Variants in PLA2G4A observed in about 807,000 individuals in gnomAD.
The protein encoded by PLA2G4A is cytosolic phospholipase A2.
In PLA2G4A, 40 loss-of-function variants were observed where a neutral mutation model predicts 81.9. That is an observed-to-expected ratio of 0.49 (90% CI 0.38 to 0.64). The LOEUF is 0.64. Among genes scored for constraint, PLA2G4A ranks in the 30% least tolerant of loss-of-function variants. The probability of loss-of-function intolerance (pLI) is 0.00; values close to 1 mark genes in which losing one functional copy is unlikely to be tolerated. For synonymous variants in PLA2G4A, 302 were observed against 296.9 expected, an observed-to-expected ratio of 1.02 and a Z score of -0.18; for missense variants, 715 against 905.1, an observed-to-expected ratio of 0.79 and a Z score of 2.69.
At chr1:186,966,915 T>C (rs1258574017) in intron 15 of PLA2G4A, among the ~76,000 whole-genome samples, 2 of 152,228 alleles carry the variant, frequency 1.3e-5, no homozygotes, top group African/African-American at 4.8e-5. Context: ...GTTTTAATCA[T>C]TTGGTCCTAA....
chr1:186,914,086 TG>T (rs1271264646), intron 7 of PLA2G4A, among the ~76,000 whole-genome samples: 11 of 99,908 alleles, frequency 1.1e-4, no homozygotes, highest in South Asian at 7.2e-4. Flanking sequence ...TGTTTTGTTT[TG>T]TTTTTTTGTG....
chr1:186,916,577 G>A (rs1402002434), intron 7 of PLA2G4A, among the ~76,000 whole-genome samples: 2 of 152,020 alleles, frequency 1.3e-5, no homozygotes, highest in Non-Finnish European at 2.9e-5. Context: ...TTCTGTTCTG[G>A]CTAATACTTT....
chr1:186,948,658 T>C (rs1338017145), intron 12 of PLA2G4A, among the ~76,000 whole-genome samples: 2 of 152,088 alleles, frequency 1.3e-5, no homozygotes, highest in Non-Finnish European at 2.9e-5. Context: ...AAATAACAGA[T>C]CTGAATGTGG....
chr1:186,857,246 G>A (rs1163937313), intron 2 of PLA2G4A, among the ~76,000 whole-genome samples: 6 of 75,522 alleles, frequency 7.9e-5, no homozygotes, highest in South Asian at 4.1e-4. Context: ...ACACATGTGG[G>A]GGCTGCATGG....
chr1:186,868,524 G>A (rs1227561937), intron 2 of PLA2G4A, among the ~76,000 whole-genome samples: 1 of 152,076 alleles, frequency 6.6e-6, no homozygotes, highest in Non-Finnish European at 1.5e-5. Flanking sequence ...GGGTAATGGT[G>A]GCCTCCAAGA....
intron 8 of PLA2G4A, among the ~76,000 whole-genome samples, chr1:186,938,122 A>G (rs1369024505): frequency 6.6e-6 from 1 of 152,100 alleles, no homozygotes; most frequent in Non-Finnish European, 1.5e-5. Context: ...TGCTTGTCAT[A>G]TGCCAGACAT....
chr1:186,952,826 T>G (rs567182332), intron 13 of PLA2G4A, among the ~76,000 whole-genome samples: 2 of 152,166 alleles, frequency 1.3e-5, no homozygotes, highest in African/African-American at 4.8e-5. Flanking sequence ...TTTTCAGATC[T>G]TTCACTTAGT....
At chr1:186,886,859 G>C (rs968618862) in intron 3 of PLA2G4A, among the ~76,000 whole-genome samples, 2 of 152,122 alleles carry the variant, frequency 1.3e-5, no homozygotes, top group Non-Finnish European at 2.9e-5. Flanking sequence ...CAAAATGTTT[G>C]TAATTTTTCT....
intron 12 of PLA2G4A, among the ~76,000 whole-genome samples, chr1:186,947,709 A>G (rs1417330576): frequency 6.6e-6 from 1 of 152,176 alleles, no homozygotes; most frequent in East Asian, 1.9e-4. Context: ...GACTGATAGC[A>G]TAAAGAAATG....
intron 1 of PLA2G4A, among the ~76,000 whole-genome samples, chr1:186,853,132 A>C (rs1265856062): frequency 6.6e-6 from 1 of 151,898 alleles, no homozygotes; most frequent in Non-Finnish European, 1.5e-5. Context: ...TATTTTTTAT[A>C]ATTCTTAAAT....
intron 3 of PLA2G4A, among the ~76,000 whole-genome samples, chr1:186,888,034 C>G (rs2102098291): frequency 6.6e-6 from 1 of 152,270 alleles, no homozygotes; most frequent in Non-Finnish European, 1.5e-5. Context: ...TGTCCAGCAT[C>G]CTTTGACATC....
intron 3 of PLA2G4A, among the ~76,000 whole-genome samples, chr1:186,891,837 A>G (rs1469909148): frequency 1.3e-5 from 2 of 152,114 alleles, no homozygotes; most frequent in Non-Finnish European, 2.9e-5. Flanking sequence ...GCTTGGTCAT[A>G]TGGTAGCTCT....
chr1:186,964,210 C>A (rs990978265), intron 14 of PLA2G4A, among the ~76,000 whole-genome samples: 1 of 152,152 alleles, frequency 6.6e-6, no homozygotes, highest in Non-Finnish European at 1.5e-5. Flanking sequence ...CAGGAGGAAA[C>A]AAGAGTGTGG....
intron 14 of PLA2G4A, among the ~76,000 whole-genome samples, chr1:186,965,079 C>T (rs1014828622): frequency 1.3e-5 from 2 of 152,172 alleles, no homozygotes; most frequent in Admixed American, 6.5e-5. Context: ...TAAAGACCTA[C>T]GTAATGTAAG....
At chr1:186,973,405 C>T (rs1319584040) in intron 15 of PLA2G4A, among the ~76,000 whole-genome samples, 4 of 152,270 alleles carry the variant, frequency 2.6e-5, no homozygotes, top group Middle Eastern at 3.4e-3. Context: ...GGCCCACCTA[C>T]GTAATCCAAG....
At chr1:186,877,211 G>A (rs1653532955) in intron 3 of PLA2G4A, among the ~76,000 whole-genome samples, 1 of 152,002 alleles carries the variant, frequency 6.6e-6, no homozygotes, top group Admixed American at 6.6e-5. Context: ...CGTGTCCTGT[G>A]TCCTTGGGCA....
At position 186,988,805 on chromosome 1, in the gene PLA2G4A, T is replaced by C. The variant is rs1242246700; in HGVS notation, c.*297T>C. 4.2e-6 allele frequency: 1 copy of C among 235,560 alleles called. No homozygotes were observed. Among genetic ancestry groups the C allele is most frequent in the Non-Finnish European group, 8.5e-6 (1 of 117,266 alleles). The allele number at this position is 235,560 out of a possible 1,614,324, so 14.6% of individuals were successfully genotyped here. On this transcript the variant is annotated 3_prime_UTR_variant, in exon 18 of 18. Transcript: ENST00000367466. ...TTCTCACCAACTTTCTTATGTGTGT[T>C]CTTTTTAAAAATTTTTTTTCTTTTA...
rs750300932 is a variant in PLA2G4A at position 186,932,744 on chromosome 1, C to T, written c.559-19C>T. 1 of 1,611,742 alleles carries T rather than the reference C, an allele frequency of 6.2e-7. No individual in the cohort carries two copies. The highest frequency in any genetic ancestry group is 8.5e-7 in the Non-Finnish European group (1 of 1,177,984). ...TGATTTTTACTTTGTGTACAAATCT[C>T]TCTGTTGCATCGTTTCAGGTGCCTG... On this transcript the variant is annotated intron_variant, in intron 7 of 17. Transcript: ENST00000367466.
At chr1:186,956,049 C>T in intron 13 of PLA2G4A, 53 bp from the exon 14 acceptor site, 2 of 1,567,262 alleles carry the variant, frequency 1.3e-6, no homozygotes, top group South Asian at 1.1e-5. Flanking sequence ...CCAAAGATCC[C>T]TTTTTAAACA....
Sources: allele counts gnomAD v4.1 joint callset (sites outside exome capture counted in the v4.1 genomes callset), GRCh38; gene constraint gnomAD v4.1.1; transcripts MANE v1.5; gene names NCBI Gene and HGNC (gene_info 2026-07-23, HGNC 2026-07-21).